The following CPE variants were observed in gnomAD, a reference collection of about 807,000 sequenced individuals.
CPE encodes carboxypeptidase E, also known as carbocypeptidase E.
CPE carries 17 observed loss-of-function variants against 53.5 expected under a neutral mutation model. The observed-to-expected ratio is 0.32, with a 90% CI of 0.22 to 0.48. CPE has a LOEUF of 0.48. Among genes scored for constraint, CPE ranks in the 20% least tolerant of loss-of-function variants. The pLI, the probability that CPE is intolerant of heterozygous loss-of-function variation, is 0.99. For missense variants in CPE, 524 were observed against 614.7 expected, an observed-to-expected ratio of 0.85 and a Z score of 1.56; for synonymous variants, 226 against 228.8, an observed-to-expected ratio of 0.99 and a Z score of 0.11.
intron 1 of CPE, among the ~76,000 whole-genome samples, chr4:165,382,329 T>C (rs924179401): frequency 3.3e-5 from 5 of 152,258 alleles, no homozygotes; most frequent in Admixed American, 2.6e-4. Context: ...CTGTCTTCAC[T>C]AGGACCCCTG....
At chr4:165,462,499 GC>G (rs1328593125) in intron 1 of CPE, among the ~76,000 whole-genome samples, 4 of 152,208 alleles carry the variant, frequency 2.6e-5, no homozygotes, top group South Asian at 4.2e-4. Context: ...AACTTGTGAA[GC>G]CAGCTTCTAA....
intron 7 of CPE, 79 bp downstream of exon 7, chr4:165,493,349 G>C: frequency 2.9e-6 from 3 of 1,024,398 alleles, no homozygotes; most frequent in Non-Finnish European, 4.4e-6. Flanking sequence ...TAAGTCTTAT[G>C]TTCTTCTAAG....
chr4:165,486,943 T>G (rs1350165955), intron 5 of CPE, among the ~76,000 whole-genome samples: 2 of 152,204 alleles, frequency 1.3e-5, no homozygotes, highest in Non-Finnish European at 2.9e-5. Context: ...TCTCATCATT[T>G]TCCTTGATTG....
chr4:165,410,319 TA>T (rs1051589705), intron 1 of CPE, among the ~76,000 whole-genome samples: 1 of 150,410 alleles, frequency 6.6e-6, no homozygotes, highest in African/African-American at 2.5e-5. Flanking sequence ...TATAAAAGAG[TA>T]AAAAAATCGT....
chr4:165,452,871 C>A (rs975286463), intron 1 of CPE, among the ~76,000 whole-genome samples: 1 of 152,230 alleles, frequency 6.6e-6, no homozygotes, highest in Non-Finnish European at 1.5e-5. Context: ...GGCCCCTTCT[C>A]AAACCTTCTG....
At chr4:165,420,995 C>G (rs1432103108) in intron 1 of CPE, among the ~76,000 whole-genome samples, 1 of 152,064 alleles carries the variant, frequency 6.6e-6, no homozygotes, top group African/African-American at 2.4e-5. Flanking sequence ...TAAATTTTAT[C>G]ACACTTAGAA....
intron 6 of CPE, among the ~76,000 whole-genome samples, chr4:165,488,519 A>T (rs527465202): frequency 6.6e-6 from 1 of 152,084 alleles, no homozygotes; most frequent in East Asian, 1.9e-4. Flanking sequence ...AAGACCTAAG[A>T]CTCTGTTCAT....
intron 1 of CPE, among the ~76,000 whole-genome samples, chr4:165,442,598 A>T (rs1417069481): frequency 1.3e-5 from 2 of 152,168 alleles, no homozygotes; most frequent in African/African-American, 4.8e-5. Context: ...ATTTAAATTT[A>T]AATTAATTAA....
At chr4:165,467,627 A>G in intron 2 of CPE, 61 bp from the exon 3 acceptor site, 2 of 1,489,560 alleles carry the variant, frequency 1.3e-6, no homozygotes, top group Non-Finnish European at 1.8e-6. Flanking sequence ...GGGACCTTAA[A>G]TAGAAAGTGA....
intron 7 of CPE, 40 bp downstream of exon 7, chr4:165,493,310 A>G (rs757291934): frequency 7.5e-7 from 1 of 1,332,832 alleles, no homozygotes; most frequent in Admixed American, 1.8e-5. Context: ...CGTTATGTAC[A>G]AGAGCATAAT....
chr4:165,471,532 G>A (rs1722096608), intron 3 of CPE, among the ~76,000 whole-genome samples: 1 of 152,196 alleles, frequency 6.6e-6, no homozygotes, highest in East Asian at 1.9e-4. Flanking sequence ...ATAAAGCACA[G>A]CAAGAATAAT....
chr4:165,392,576 A>G (rs1010261205), intron 1 of CPE, among the ~76,000 whole-genome samples: 73 of 146,298 alleles, frequency 5.0e-4, no homozygotes, highest in Admixed American at 1.2e-3. Flanking sequence ...ATACTTATAT[A>G]TTATATTTAT....
intron 1 of CPE, among the ~76,000 whole-genome samples, chr4:165,435,599 A>C (rs1479328263): frequency 1.3e-5 from 2 of 152,220 alleles, no homozygotes; most frequent in African/African-American, 4.8e-5. Flanking sequence ...ATGACCTCTT[A>C]TGTGCTTTTG....
chr4:165,424,143 A>G (rs1374848124), intron 1 of CPE, among the ~76,000 whole-genome samples: 2 of 149,678 alleles, frequency 1.3e-5, no homozygotes, highest in South Asian at 2.1e-4. Flanking sequence ...TTAGTTATTT[A>G]CTCACTAGAT....
At chr4:165,431,476 C>T (rs1379793276) in intron 1 of CPE, among the ~76,000 whole-genome samples, 1 of 152,142 alleles carries the variant, frequency 6.6e-6, no homozygotes, top group Non-Finnish European at 1.5e-5. Context: ...CAGGTAGTTT[C>T]CATATAGACT....
At chr4:165,429,177 C>A (rs1487391710) in intron 1 of CPE, among the ~76,000 whole-genome samples, 1 of 152,120 alleles carries the variant, frequency 6.6e-6, no homozygotes, top group Non-Finnish European at 1.5e-5. Context: ...AGTTCTTCAG[C>A]AAGTCTTTTC....
At chr4:165,443,924 C>T (rs1301172396) in intron 1 of CPE, among the ~76,000 whole-genome samples, 1 of 152,140 alleles carries the variant, frequency 6.6e-6, no homozygotes, top group East Asian at 1.9e-4. Context: ...TTGCCTTTTC[C>T]ATCACATGAG....
intron 1 of CPE, among the ~76,000 whole-genome samples, chr4:165,432,841 A>G (rs1731435987): frequency 6.6e-6 from 1 of 152,048 alleles, no homozygotes; most frequent in Admixed American, 6.5e-5. Context: ...GAGTTATTCC[A>G]GGTGCCTCCT....
chr4:165,429,702 A>AAAG (rs1313456347), intron 1 of CPE, among the ~76,000 whole-genome samples: 1 of 149,140 alleles, frequency 6.7e-6, no homozygotes, highest in African/African-American at 2.5e-5. Flanking sequence ...ACCCTGTTTA[A>AAAG]AAAAAAAAAA....
Sources: allele counts gnomAD v4.1 joint callset (sites outside exome capture counted in the v4.1 genomes callset), GRCh38; gene constraint gnomAD v4.1.1; transcripts MANE v1.5; gene names NCBI Gene and HGNC (gene_info 2026-07-23, HGNC 2026-07-21).